ZBTB20: variants seen among roughly 807,000 people sequenced by gnomAD.
ZBTB20 encodes the protein zinc finger and BTB domain-containing protein 20.
In ZBTB20, 9 loss-of-function variants were observed where a neutral mutation model predicts 56.9. The ratio of observed to expected loss-of-function variants is 0.16; its 90% CI spans 0.10 to 0.28. ZBTB20 has a LOEUF of 0.28. ZBTB20 is among the 10% of genes least tolerant of loss of function. ZBTB20 has a pLI of 1.00. For missense variants in ZBTB20, 655 were observed against 1,003.0 expected (o/e 0.65, Z 4.69); for synonymous variants, 417 against 420.7 (o/e 0.99, Z 0.11).
chr3:114,802,530 C>T (rs1326166729), intron 4 of ZBTB20, among the ~76,000 whole-genome samples: 1 of 151,822 alleles, frequency 6.6e-6, no homozygotes, highest in Non-Finnish European at 1.5e-5. Context: ...CCTCCTCTCA[C>T]ATGCCTGAAT....
At chr3:114,699,993 G>T (rs2063298505) in intron 5 of ZBTB20, among the ~76,000 whole-genome samples, 2 of 152,006 alleles carry the variant, frequency 1.3e-5, no homozygotes, top group African/African-American at 4.8e-5. Context: ...AGATTTCAAA[G>T]GATTCTTTTA....
At chr3:114,811,011 T>C (rs759056741) in intron 4 of ZBTB20, among the ~76,000 whole-genome samples, 94 of 152,188 alleles carry the variant, frequency 6.2e-4, no homozygotes, top group Non-Finnish European at 1.2e-3. Context: ...CCTCACTCTA[T>C]AGAGTTTGGA....
intron 6 of ZBTB20, among the ~76,000 whole-genome samples, chr3:114,621,245 T>C (rs942773830): frequency 6.6e-6 from 1 of 152,204 alleles, no homozygotes; most frequent in African/African-American, 2.4e-5. Context: ...CATCTTTCTT[T>C]TTGCAAATAC....
At chr3:114,410,864 A>C (rs1346946559) in intron 7 of ZBTB20, among the ~76,000 whole-genome samples, 1 of 152,062 alleles carries the variant, frequency 6.6e-6, no homozygotes, top group Non-Finnish European at 1.5e-5. Context: ...TTTCTGGAGG[A>C]GAGGTGGTGG....
At chr3:114,675,972 C>G (rs929718673) in intron 6 of ZBTB20, among the ~76,000 whole-genome samples, 22 of 144,692 alleles carry the variant, frequency 1.5e-4, no homozygotes, top group Non-Finnish European at 4.6e-5. Context: ...ACAACTCTAC[C>G]AGAGAGTACT....
At chr3:114,595,243 T>C (rs1338407882) in intron 6 of ZBTB20, among the ~76,000 whole-genome samples, 1 of 152,190 alleles carries the variant, frequency 6.6e-6, no homozygotes, top group East Asian at 1.9e-4. Context: ...AAATATGACA[T>C]AATATCTGGA....
intron 6 of ZBTB20, among the ~76,000 whole-genome samples, chr3:114,668,261 T>TA (rs2061168182): frequency 6.6e-6 from 1 of 151,998 alleles, no homozygotes; most frequent in South Asian, 2.1e-4. Flanking sequence ...CTCTGTCTCT[T>TA]ACACACTGTA....
chr3:114,378,659 G>A (rs776600720), intron 10 of ZBTB20, among the ~76,000 whole-genome samples: 1 of 152,240 alleles, frequency 6.6e-6, no homozygotes, highest in African/African-American at 2.4e-5. Context: ...GCAGAAAGCT[G>A]GGTAATGAAG....
chr3:115,099,961 G>C (rs1448312555), intron 1 of ZBTB20, among the ~76,000 whole-genome samples: 1 of 151,956 alleles, frequency 6.6e-6, no homozygotes, highest in East Asian at 1.9e-4. Context: ...TGAATCACAA[G>C]GGCACACCCC....
intron 1 of ZBTB20, among the ~76,000 whole-genome samples, chr3:115,074,716 T>C (rs1159814976): frequency 6.6e-6 from 1 of 152,160 alleles, no homozygotes; most frequent in Non-Finnish European, 1.5e-5. Flanking sequence ...TGCTGTAGTA[T>C]GCTGTCTTGA....
chr3:114,362,080 T>C (rs187849425), intron 10 of ZBTB20, among the ~76,000 whole-genome samples: 18 of 152,318 alleles, frequency 1.2e-4, no homozygotes, highest in African/African-American at 4.1e-4. Context: ...AACTTGTCTG[T>C]ATTTCTTGCG....
At chr3:114,645,828 T>G (rs1049685411) in intron 6 of ZBTB20, among the ~76,000 whole-genome samples, 3 of 152,202 alleles carry the variant, frequency 2.0e-5, no homozygotes, top group African/African-American at 7.2e-5. Flanking sequence ...TTACAAAGAA[T>G]GTTGTATAAA....
At chr3:114,552,150 C>CT (rs1487162276) in intron 6 of ZBTB20, among the ~76,000 whole-genome samples, 1 of 152,124 alleles carries the variant, frequency 6.6e-6, no homozygotes, top group Non-Finnish European at 1.5e-5. Context: ...AAGGTGGAGG[C>CT]TGCAGTGAGT....
intron 7 of ZBTB20, among the ~76,000 whole-genome samples, chr3:114,492,960 T>A (rs2042903680): frequency 6.6e-6 from 1 of 152,190 alleles, no homozygotes; most frequent in Non-Finnish European, 1.5e-5. Context: ...ACTACCACAG[T>A]CAAGCTACAG....
chr3:114,988,336 G>C (rs556472881), intron 2 of ZBTB20, among the ~76,000 whole-genome samples: 1 of 145,752 alleles, frequency 6.9e-6, no homozygotes, highest in East Asian at 2.1e-4. Flanking sequence ...CCACCTAAGA[G>C]TGAGAACATG....
intron 5 of ZBTB20, among the ~76,000 whole-genome samples, chr3:114,723,514 G>A (rs1228157752): frequency 6.6e-6 from 1 of 152,144 alleles, no homozygotes; most frequent in Non-Finnish European, 1.5e-5. Context: ...TAACAAGTAT[G>A]AGTTGGATCA....
At chr3:114,537,786 A>G (rs1423266463) in intron 6 of ZBTB20, among the ~76,000 whole-genome samples, 1 of 152,138 alleles carries the variant, frequency 6.6e-6, no homozygotes, top group Non-Finnish European at 1.5e-5. Context: ...CATATACACA[A>G]CATGGAATAC....
At chr3:114,765,120 G>C (rs1210662543) in intron 5 of ZBTB20, among the ~76,000 whole-genome samples, 3 of 152,176 alleles carry the variant, frequency 2.0e-5, no homozygotes, top group African/African-American at 7.2e-5. Flanking sequence ...TAAGAACTAT[G>C]TACAGCTTGC....
At chr3:114,770,209 C>T (rs545715418) in intron 5 of ZBTB20, among the ~76,000 whole-genome samples, 34 of 150,346 alleles carry the variant, frequency 2.3e-4, no homozygotes, top group African/African-American at 6.8e-4. Flanking sequence ...AGAACTTACT[C>T]GTATAGATCA....
Sources: allele counts gnomAD v4.1 joint callset (sites outside exome capture counted in the v4.1 genomes callset), GRCh38; gene constraint gnomAD v4.1.1; transcripts MANE v1.5; gene names NCBI Gene and HGNC (gene_info 2026-07-23, HGNC 2026-07-21).